DPP10: variants seen among roughly 807,000 people sequenced by gnomAD.
DPP10 encodes inactive dipeptidyl peptidase 10.
A neutral mutation model predicts 120.9 loss-of-function variants in DPP10; 33 were observed. That is an observed-to-expected ratio of 0.27 (90% confidence interval 0.21 to 0.37). The LOEUF is 0.37. Among genes scored for constraint, DPP10 ranks in the 10% least tolerant of loss-of-function variants. The pLI, the probability that DPP10 is intolerant of heterozygous loss-of-function variation, is 1.00. For missense variants in DPP10, 816 were observed against 942.8 expected (o/e 0.87, Z 1.76); for synonymous variants, 337 against 326.1 (o/e 1.03, Z -0.36).
At chr2:114,754,722 C>A (rs776087737) in intron 1 of DPP10, among the ~76,000 whole-genome samples, 1 of 151,852 alleles carries the variant, frequency 6.6e-6, no homozygotes, top group Non-Finnish European at 1.5e-5. Flanking sequence ...CCTGTTCACT[C>A]GTGTGGAAAT....
intron 3 of DPP10, chr2:115,468,610 C>A: frequency 2.6e-6 from 1 of 384,466 alleles, no homozygotes; most frequent in Middle Eastern, 6.5e-4. Flanking sequence ...TTGTGTGGCA[C>A]CATCTCCCAT....
intron 1 of DPP10, among the ~76,000 whole-genome samples, chr2:114,797,699 A>G (rs538062637): frequency 1.3e-5 from 2 of 151,850 alleles, no homozygotes; most frequent in Non-Finnish European, 2.9e-5. Flanking sequence ...AAATAAATAC[A>G]TAAAATAAAA....
At chr2:115,074,314 T>A (rs1409089624) in intron 1 of DPP10, among the ~76,000 whole-genome samples, 2 of 152,100 alleles carry the variant, frequency 1.3e-5, no homozygotes, top group Admixed American at 1.3e-4. Flanking sequence ...GGCAGGGAAA[T>A]GATTTTTTTA....
intron 5 of DPP10, among the ~76,000 whole-genome samples, chr2:115,548,394 A>G (rs1558832666): frequency 6.6e-6 from 1 of 152,136 alleles, no homozygotes. Context: ...CATTATGCTA[A>G]AAATACATGC....
rs938195522 is a variant in DPP10 at position 115,650,417 on chromosome 2, G to C, written c.442-39270G>C. On this transcript the variant is annotated intron_variant, in intron 5 of 25. Transcript: ENST00000410059. ...ACATGCTGGCATGGGGAAAGGGGGG[G>C]GGGGATAATCCACTTGACAACTGGT... Among the ~76,000 whole-genome samples the C allele has an allele frequency of 7.7e-5, 11 of 143,754 alleles. 1 individual carries two copies. The highest frequency in any genetic ancestry group is 2.6e-4 in the African/African-American group (10 of 39,004). 94.3% of individuals were successfully genotyped at this position (143,754 alleles called of 152,430 possible). A position where few individuals can be genotyped will look rare whatever the true frequency, so the allele number is the denominator to read the frequency against.
At chr2:114,858,100 C>G (rs1361202368) in intron 1 of DPP10, among the ~76,000 whole-genome samples, 1 of 152,186 alleles carries the variant, frequency 6.6e-6, no homozygotes, top group Non-Finnish European at 1.5e-5. Context: ...AGCAGTTCTC[C>G]TGCCTCAGCC....
chr2:115,406,752 A>T (rs1209765387), intron 3 of DPP10, among the ~76,000 whole-genome samples: 1 of 152,184 alleles, frequency 6.6e-6, no homozygotes, highest in Non-Finnish European at 1.5e-5. Context: ...AACAATTATA[A>T]AGGTACTTAA....
chr2:115,222,946 G>C (rs1296912050), intron 1 of DPP10, among the ~76,000 whole-genome samples: 1 of 152,042 alleles, frequency 6.6e-6, no homozygotes, highest in African/African-American at 2.4e-5. Context: ...AAAGGTCTTA[G>C]GATTGGATAA....
At chr2:115,768,582 C>G (rs1270883981) in intron 13 of DPP10, among the ~76,000 whole-genome samples, 178 bp downstream of exon 13, 1 of 152,080 alleles carries the variant, frequency 6.6e-6, no homozygotes, top group Non-Finnish European at 1.5e-5. Flanking sequence ...CCTTACCTTC[C>G]CACAAAACAG....
At chr2:115,466,737 C>T (rs2074350411) in intron 3 of DPP10, among the ~76,000 whole-genome samples, 1 of 152,088 alleles carries the variant, frequency 6.6e-6, no homozygotes, top group South Asian at 2.1e-4. Flanking sequence ...ATGTTCTTGT[C>T]AGAAATGTAG....
At chr2:114,486,298 G>GA (rs1006324724) in intron 1 of DPP10, among the ~76,000 whole-genome samples, 6 of 149,322 alleles carry the variant, frequency 4.0e-5, no homozygotes, top group African/African-American at 9.9e-5. Context: ...GGGTCTTGTT[G>GA]AAAAAAAAAT....
In DPP10 at chr2:115,629,062, G is replaced by A. The variant is rs551656327; in HGVS notation, c.442-60625G>A. The stretch of plus-strand genomic sequence containing the variant: ...TTCCCACCTATGAGTGAGAACATGC[G>A]GTGTTTGGTTTTCTGTACTTGCGAT... On this transcript the variant is annotated intron_variant, in intron 5 of 25. Transcript: ENST00000410059. 2.0e-3 allele frequency among the ~76,000 whole-genome samples: 303 copies of A among 152,168 alleles called. 1 individual carries two copies. The highest frequency in any genetic ancestry group is 6.7e-3 in the African/African-American group (279 of 41,510).
chr2:114,834,989 TATCTACACACCTATGTATATAA>T, intron 1 of DPP10, among the ~76,000 whole-genome samples: 1 of 150,032 alleles, frequency 6.7e-6, no homozygotes, highest in Non-Finnish European at 1.5e-5. Context: ...ATAAAAGACA[TATCTACACACCTATGTATATAA>T]AAGACATATC....
chr2:114,647,218 T>A (rs1696208132), intron 1 of DPP10, among the ~76,000 whole-genome samples: 2 of 152,238 alleles, frequency 1.3e-5, no homozygotes, highest in Admixed American at 6.5e-5. Flanking sequence ...TCCATCTTTC[T>A]ATCTTCCCTT....
chr2:114,792,725 C>G (rs1293959812), intron 1 of DPP10, among the ~76,000 whole-genome samples: 1 of 152,170 alleles, frequency 6.6e-6, no homozygotes, highest in Non-Finnish European at 1.5e-5. Flanking sequence ...AATAAAACAC[C>G]TGAGCTCTCA....
At chr2:115,534,087 T>G (rs934154170) in intron 5 of DPP10, among the ~76,000 whole-genome samples, 2 of 142,434 alleles carry the variant, frequency 1.4e-5, no homozygotes, top group African/African-American at 5.8e-5. Context: ...AACAACACAC[T>G]TTTATTTATT....
At chr2:115,388,021 G>A (rs1004973957) in intron 3 of DPP10, among the ~76,000 whole-genome samples, 6 of 152,166 alleles carry the variant, frequency 3.9e-5, no homozygotes, top group Non-Finnish European at 5.9e-5. Context: ...ACCTACACAT[G>A]TGCAAATATT....
intron 5 of DPP10, among the ~76,000 whole-genome samples, chr2:115,641,035 G>A (rs1265431257): frequency 1.3e-5 from 2 of 152,042 alleles, no homozygotes; most frequent in Non-Finnish European, 2.9e-5. Flanking sequence ...TAATTACTTT[G>A]AAAATAGAAT....
chr2:114,710,012 C>T (rs1364125261), intron 1 of DPP10, among the ~76,000 whole-genome samples: 2 of 152,208 alleles, frequency 1.3e-5, no homozygotes, highest in African/African-American at 4.8e-5. Flanking sequence ...CAGGAGGCCA[C>T]ACTCTTTTGA....
Sources: allele counts gnomAD v4.1 joint callset (sites outside exome capture counted in the v4.1 genomes callset), GRCh38; gene constraint gnomAD v4.1.1; transcripts MANE v1.5; gene names NCBI Gene and HGNC (gene_info 2026-07-23, HGNC 2026-07-21).